The following CDH13 variants were observed in gnomAD, a reference collection of about 807,000 sequenced individuals.
The protein encoded by CDH13 is cadherin-13.
In CDH13, 24 loss-of-function variants were observed where a neutral mutation model predicts 63.8. The ratio of observed to expected loss-of-function variants is 0.38; its 90% CI spans 0.27 to 0.53. The LOEUF is 0.53. Among genes scored for constraint, CDH13 ranks in the 20% least tolerant of loss-of-function variants. CDH13 has a pLI of 0.85. For missense variants in CDH13, 1,049 were observed against 903.1 expected (o/e 1.16, Z -2.07); for synonymous variants, 503 against 355.3 (o/e 1.42, Z -4.67).
At position 83,781,096 on chromosome 16, in the gene CDH13, C is replaced by A. The variant is rs1308534143; in HGVS notation, c.1915+895C>A. ...ATTGACTTTGATGTCTTCTTCCATG[C>A]ATCTTCTTTCTCCTTTATAAAACTT... On this transcript the variant is annotated intron_variant, in intron 12 of 13. Transcript: ENST00000567109. 3.9e-5 allele frequency among the ~76,000 whole-genome samples: 6 copies of A among 152,234 alleles called. No individual in the cohort carries two copies. In the East Asian group the frequency reaches 9.6e-4, roughly 24 times the overall value.
chr16:82,658,702 A>G (rs1449962448), intron 1 of CDH13, among the ~76,000 whole-genome samples: 1 of 152,212 alleles, frequency 6.6e-6, no homozygotes, highest in Non-Finnish European at 1.5e-5. Context: ...CACTCAGCAC[A>G]TGGTGGCTGC....
At chr16:83,265,174 G>A (rs1033499438) in intron 5 of CDH13, among the ~76,000 whole-genome samples, 7 of 152,108 alleles carry the variant, frequency 4.6e-5, no homozygotes, top group African/African-American at 1.7e-4. Flanking sequence ...GGAATTCTCT[G>A]TATTTCTGCT....
chr16:82,746,023 C>T (rs572654653), intron 1 of CDH13, among the ~76,000 whole-genome samples: 9 of 152,142 alleles, frequency 5.9e-5, no homozygotes, highest in Admixed American at 2.0e-4. Context: ...ACACTGTCTT[C>T]ATCATTAGTC....
intron 1 of CDH13, among the ~76,000 whole-genome samples, chr16:82,637,117 C>T (rs150715649): frequency 0.011 from 1,698 of 152,274 alleles, 31 homozygotes; most frequent in Non-Finnish European, 0.015. Context: ...TACAAGGAAA[C>T]AGGACCTTTG....
chr16:83,795,208 G>T lies in CDH13; in HGVS notation c.*178G>T. ...TAGTCTGTACTTCATCATTTTGACA[G>T]CATCTTCCTCCCTCCTTTAATTAAT... On this transcript the variant is annotated 3_prime_UTR_variant, in exon 14 of 14. Coordinates refer to ENST00000567109, the MANE Select transcript of CDH13 (RefSeq NM_001257.5). The T allele has an allele frequency of 1.8e-6, 1 of 550,938 alleles. No homozygotes were observed. 34.1% of individuals were successfully genotyped at this position (550,938 alleles called of 1,614,324 possible).
chr16:83,236,977 G>A (rs7184058), intron 5 of CDH13, among the ~76,000 whole-genome samples: 32,802 of 151,904 alleles, frequency 0.22, 3,636 homozygotes, highest in Non-Finnish European at 0.24. Context: ...AAATCACAGT[G>A]CACAAAAAGA....
intron 7 of CDH13, among the ~76,000 whole-genome samples, chr16:83,508,719 A>G (rs145343431): frequency 5.6e-4 from 86 of 152,236 alleles, no homozygotes; most frequent in South Asian, 1.7e-3. Context: ...ACTCTTTTAC[A>G]TATTCTGTCT....
intron 6 of CDH13, among the ~76,000 whole-genome samples, chr16:83,394,604 C>T (rs1467453458): frequency 6.6e-6 from 1 of 152,158 alleles, no homozygotes; most frequent in Admixed American, 6.5e-5. Flanking sequence ...TGGTGAGCCG[C>T]CAAGGTTTTG....
At chr16:83,345,042 T>A in intron 6 of CDH13, 36 bp downstream of exon 6, 2 of 1,604,512 alleles carry the variant, frequency 1.2e-6, no homozygotes, top group Non-Finnish European at 1.7e-6. Flanking sequence ...CGTAATGGCT[T>A]GGAAAGAGGC....
chr16:82,696,321 AG>A (rs1330590162), intron 1 of CDH13, among the ~76,000 whole-genome samples: 2 of 152,252 alleles, frequency 1.3e-5, no homozygotes, highest in African/African-American at 4.8e-5. Flanking sequence ...TATAAATGAA[AG>A]ATTACTTTCT....
chr16:83,559,542 G>C (rs2075662890), intron 7 of CDH13, among the ~76,000 whole-genome samples: 1 of 150,734 alleles, frequency 6.6e-6, no homozygotes, highest in Non-Finnish European at 1.5e-5. Context: ...TTGCACTCCA[G>C]CTTGGGCAAC....
intron 5 of CDH13, among the ~76,000 whole-genome samples, chr16:83,267,610 G>C (rs1321170189): frequency 6.6e-6 from 1 of 152,060 alleles, no homozygotes; most frequent in South Asian, 2.1e-4. Context: ...GTTACCGCGG[G>C]AGTGGGCTCC....
intron 8 of CDH13, among the ~76,000 whole-genome samples, chr16:83,617,298 C>T (rs1909365332): frequency 6.6e-6 from 1 of 152,172 alleles, no homozygotes; most frequent in Admixed American, 6.5e-5. Flanking sequence ...TCCTTTCATT[C>T]ACTATTATAT....
At chr16:83,464,887 C>T (rs1389670908) in intron 6 of CDH13, among the ~76,000 whole-genome samples, 1 of 152,158 alleles carries the variant, frequency 6.6e-6, no homozygotes, top group African/African-American at 2.4e-5. Context: ...AAGTGATCTC[C>T]CTGCCTCGGC....
At chr16:83,486,032 A>AGG in intron 6 of CDH13, among the ~76,000 whole-genome samples, 1 of 152,286 alleles carries the variant, frequency 6.6e-6, no homozygotes, top group Admixed American at 6.5e-5. Flanking sequence ...AATCCCAGCT[A>AGG]CTTAGGAGGC....
chr16:83,117,610 C>T (rs2035367666), intron 3 of CDH13, among the ~76,000 whole-genome samples: 1 of 152,058 alleles, frequency 6.6e-6, no homozygotes, highest in South Asian at 2.1e-4. Context: ...ATCCGAGATG[C>T]CTAGAATTAT....
intron 1 of CDH13, among the ~76,000 whole-genome samples, chr16:82,628,903 A>G (rs1416836821): frequency 6.6e-6 from 1 of 152,212 alleles, no homozygotes; most frequent in Non-Finnish European, 1.5e-5. Context: ...TCTCCATTGT[A>G]AAATAATCTG....
chr16:83,018,195 A>G (rs1269726393), intron 2 of CDH13, among the ~76,000 whole-genome samples: 1 of 152,098 alleles, frequency 6.6e-6, no homozygotes, highest in Non-Finnish European at 1.5e-5. Flanking sequence ...CCTCTGTAAA[A>G]TGGTTGAAAT....
intron 2 of CDH13, among the ~76,000 whole-genome samples, chr16:82,874,325 G>A (rs1204845171): frequency 6.6e-6 from 1 of 152,094 alleles, no homozygotes; most frequent in Non-Finnish European, 1.5e-5. Context: ...GTCGTGCTAA[G>A]ATGTTGAGTT....
Sources: allele counts gnomAD v4.1 joint callset (sites outside exome capture counted in the v4.1 genomes callset), GRCh38; gene constraint gnomAD v4.1.1; transcripts MANE v1.5; gene names NCBI Gene and HGNC (gene_info 2026-07-23, HGNC 2026-07-21).